FEZ1: variants seen among roughly 807,000 people sequenced by gnomAD.
FEZ1 encodes the protein fasciculation and elongation protein zeta-1.
Under a neutral mutation model 49.3 loss-of-function variants are expected in FEZ1, and 20 were observed. That is an observed-to-expected ratio of 0.41 (90% CI 0.29 to 0.59). The LOEUF (loss-of-function observed/expected upper bound fraction) is 0.59. FEZ1 is among the 20% of genes least tolerant of loss of function. The pLI, the probability that FEZ1 is intolerant of heterozygous loss-of-function variation, is 0.36. For missense variants in FEZ1, 413 were observed against 476.0 expected (o/e 0.87, Z 1.23); for synonymous variants, 170 against 180.9 (o/e 0.94, Z 0.48).
At chr11:125,446,933 AT>A (rs1282093750) in intron 9 of FEZ1, among the ~76,000 whole-genome samples, 1 of 152,082 alleles carries the variant, frequency 6.6e-6, no homozygotes, top group Non-Finnish European at 1.5e-5. Flanking sequence ...TCCTGCTGAA[AT>A]TTAAGATTAG....
intron 8 of FEZ1, among the ~76,000 whole-genome samples, 200 bp downstream of exon 8, chr11:125,452,134 G>GA (rs764332626): frequency 6.6e-6 from 1 of 152,106 alleles, no homozygotes; most frequent in South Asian, 2.1e-4. Flanking sequence ...CCAGGAGAAA[G>GA]AAAAAACAGC....
chr11:125,470,067 G>A (rs1957170937), intron 3 of FEZ1, among the ~76,000 whole-genome samples: 1 of 152,052 alleles, frequency 6.6e-6, no homozygotes, highest in African/African-American at 2.4e-5. Flanking sequence ...CCAGACATTT[G>A]AGAATAGCCC....
At chr11:125,493,481 G>A (rs866586474) in intron 1 of FEZ1, among the ~76,000 whole-genome samples, 658 of 49,226 alleles carry the variant, frequency 0.013, 14 homozygotes, top group African/African-American at 0.017. Flanking sequence ...AAGGAAAGAA[G>A]GAAAGAAGGA....
chr11:125,464,583 T>A lies in FEZ1; in HGVS notation c.412-1013A>T, dbSNP rs943071729. On this transcript the variant is annotated intron_variant, in intron 3 of 9. Transcript: ENST00000278919. The stretch of plus-strand genomic sequence containing the variant: ...CTTTTCTAACAGGAAACAGCCCAGC[T>A]CCAATCCAAGCAATAATGTCAGAGG... Among the ~76,000 whole-genome samples, 8 of 152,258 alleles carry A rather than the reference T, an allele frequency of 5.3e-5. No individual in the cohort carries two copies. In the East Asian group the frequency reaches 1.5e-3, roughly 29 times the overall value.
chr11:125,462,575 T>C (rs1957086605), intron 4 of FEZ1, among the ~76,000 whole-genome samples: 1 of 152,216 alleles, frequency 6.6e-6, no homozygotes, highest in Non-Finnish European at 1.5e-5. Flanking sequence ...TTGTAGCTAC[T>C]AAACACTATG....
chr11:125,468,695 C>T (rs944366765), intron 3 of FEZ1, among the ~76,000 whole-genome samples: 9 of 152,060 alleles, frequency 5.9e-5, no homozygotes, highest in Admixed American at 3.3e-4. Flanking sequence ...AAACAGACGC[C>T]GGCCCAGCAG....
rs1956880279 is a variant in FEZ1 at position 125,444,492 on chromosome 11, G to A, written c.*1603C>T. ...CCCAGCTACTCGGGAGGCTGAGGCA[G>A]GAGAATCACTTGAACGTGGGAGGCG... On this transcript the variant is annotated 3_prime_UTR_variant, in exon 10 of 10. Coordinates refer to ENST00000278919, the MANE Select transcript of FEZ1 (RefSeq NM_005103.5). Among the ~76,000 whole-genome samples the A allele has an allele frequency of 6.6e-6, 1 of 152,196 alleles. No individual in the cohort carries two copies. The highest frequency in any genetic ancestry group is 2.1e-4 in the South Asian group (1 of 4,832).
rs1956886865 is a variant in FEZ1 at position 125,445,035 on chromosome 11, T to C, written c.*1060A>G. On this transcript the variant is annotated 3_prime_UTR_variant, in exon 10 of 10. Transcript: ENST00000278919. This position sits in a 1 kb window ranked among gnomAD's most constrained non-coding sequence, Gnocchi z 4.4. ...AGCCAGAAGACGGAAGCCAACAGAA[T>C]TCAGACTGTGGTGAGATCGAGCCAG... Among the ~76,000 whole-genome samples, 1 of 152,134 alleles carries C rather than the reference T, an allele frequency of 6.6e-6. No homozygotes were observed. Among genetic ancestry groups the C allele is most frequent in the South Asian group, 2.1e-4 (1 of 4,834 alleles).
chr11:125,451,492 G>GC (rs1332662895), intron 8 of FEZ1: 4 of 152,218 alleles, frequency 2.6e-5, no homozygotes, highest in Admixed American at 6.5e-5. Flanking sequence ...GTATCCAGTA[G>GC]CCCCGCACTG....
intron 3 of FEZ1, among the ~76,000 whole-genome samples, chr11:125,477,257 G>T (rs1957240799): frequency 6.6e-6 from 1 of 151,890 alleles, no homozygotes; most frequent in Admixed American, 6.6e-5. Context: ...CACTTTGGGA[G>T]GCCAAGGCAG....
intron 2 of FEZ1, chr11:125,488,573 A>C (rs1211942969): frequency 4.7e-6 from 1 of 211,566 alleles, no homozygotes; most frequent in East Asian, 1.8e-4. Context: ...CCAGCTACTC[A>C]GGAGGCTGAG....
chr11:125,448,661 A>C (rs1035592780), intron 8 of FEZ1, 94 bp from the exon 9 acceptor site: 31 of 785,692 alleles, frequency 3.9e-5, no homozygotes, highest in Non-Finnish European at 2.2e-5. Context: ...GTGAGAGAGA[A>C]ATGATTCAAA....
In FEZ1 at chr11:125,495,352, G is replaced by A. The variant is rs1305641950; in HGVS notation, c.-46+769C>T. On this transcript the variant is annotated intron_variant, in intron 1 of 9. Coordinates refer to ENST00000278919, the MANE Select transcript of FEZ1 (RefSeq NM_005103.5). This position sits in a 1 kb window ranked among gnomAD's most constrained non-coding sequence, Gnocchi z 4.2. ...GGATGCCTAGCGGCGAGGAGAGAAG[G>A]GATAGGCAAAAGGGAAGAAGAGCGG... The A allele has an allele frequency of 4.3e-6, 2 of 470,162 alleles. No homozygotes were observed. The highest frequency in any genetic ancestry group is 4.4e-6 in the Non-Finnish European group (1 of 226,546). 29.1% of individuals were successfully genotyped at this position (470,162 alleles called of 1,614,324 possible).
At chr11:125,460,336 C>G (rs1957061923) in intron 5 of FEZ1, 162 bp downstream of exon 5, 1 of 546,412 alleles carries the variant, frequency 1.8e-6, no homozygotes, top group African/African-American at 1.9e-5. Context: ...GCAAACTTCT[C>G]TCCTGATGCC....
At chr11:125,478,270 C>T (rs926973494) in intron 3 of FEZ1, among the ~76,000 whole-genome samples, 4 of 152,060 alleles carry the variant, frequency 2.6e-5, no homozygotes, top group African/African-American at 9.7e-5. Flanking sequence ...TAGTGAAACC[C>T]CATCTCTACA....
intron 3 of FEZ1, among the ~76,000 whole-genome samples, chr11:125,464,738 AT>A (rs1957110054): frequency 6.8e-6 from 1 of 147,664 alleles, no homozygotes; most frequent in African/African-American, 2.5e-5. Context: ...GAAAAAAAAA[AT>A]TAAGCAAATA....
chr11:125,452,375 G>A lies in FEZ1; in HGVS notation c.1055C>T (p.Ala352Val). 1 of 1,613,106 alleles carries A rather than the reference G, an allele frequency of 6.2e-7. No individual in the cohort carries two copies. ...CAGGTCTTCCACTGAGGGAGGAGAGGCTTTCTTCTCGTAAGGAATGACTGT... is the reference window on the plus strand; with the variant it reads ...CAGGTCTTCCACTGAGGGAGGAGAGACTTTCTTCTCGTAAGGAATGACTGT... ...LNTVIPYEKK[A>V]SPPSVEDLQM... The change falls in exon 8 of 10, where the codon GCC becomes GTC. Residue 352 changes from alanine to valine, a missense_variant. Ala to Val is a moderately conservative substitution (Grantham distance 64). Coordinates refer to ENST00000278919, the MANE Select transcript of FEZ1 (RefSeq NM_005103.5).
chr11:125,479,154 C>T (rs765359531), intron 3 of FEZ1, among the ~76,000 whole-genome samples: 6 of 152,144 alleles, frequency 3.9e-5, no homozygotes, highest in Non-Finnish European at 8.8e-5. Context: ...TCACTTGCTC[C>T]CGTCAATGAA....
chr11:125,481,457 CTGTTGAGTTACTGAA>C, intron 3 of FEZ1, 62 bp downstream of exon 3: 1 of 867,018 alleles, frequency 1.2e-6, no homozygotes, highest in South Asian at 1.3e-5. Flanking sequence ...TTGAGGAAGA[CTGTTGAGTTACTGAA>C]TGTTTTTCTA....
Sources: allele counts gnomAD v4.1 joint callset (sites outside exome capture counted in the v4.1 genomes callset), GRCh38; gene constraint gnomAD v4.1.1; non-coding constraint Gnocchi (gnomAD v3.1); transcripts MANE v1.5; gene names NCBI Gene and HGNC (gene_info 2026-07-23, HGNC 2026-07-21).